The following PCTP variants were observed in gnomAD, a reference collection of about 807,000 sequenced individuals.
PCTP encodes the protein phosphatidylcholine transfer protein.
A neutral mutation model predicts 31.0 loss-of-function variants in PCTP; 27 were observed. The observed-to-expected ratio is 0.87, with a 90% CI of 0.64 to 1.20. The LOEUF (loss-of-function observed/expected upper bound fraction) is 1.20, where lower values mean the gene tolerates loss of function less well. Ranked by LOEUF, PCTP falls within the 50% of genes most tolerant of loss-of-function variation. The probability of loss-of-function intolerance (pLI) is 0.00; values close to 1 mark genes in which losing one functional copy is unlikely to be tolerated. For synonymous variants in PCTP, 108 were observed against 101.2 expected (o/e 1.07, Z -0.40); for missense variants, 287 against 268.2 (o/e 1.07, Z -0.49).
chr17:55,811,084 G>A (rs963697890), intron 3 of PCTP, among the ~76,000 whole-genome samples: 1 of 152,036 alleles, frequency 6.6e-6, no homozygotes, highest in South Asian at 2.1e-4. Flanking sequence ...TTTCTGCATG[G>A]CCTACCTCTA....
chr17:55,773,922 A>T, intron 4 of PCTP, 27 bp downstream of exon 4: 1 of 1,565,544 alleles, frequency 6.4e-7, no homozygotes. Context: ...CTGTCAGTGC[A>T]CCCAGCCAGG....
At chr17:55,811,798 A>G (rs1337177824) in intron 3 of PCTP, among the ~76,000 whole-genome samples, 1 of 152,188 alleles carries the variant, frequency 6.6e-6, no homozygotes, top group Non-Finnish European at 1.5e-5. Flanking sequence ...GGCATCTGCC[A>G]AAAGCTTGCT....
At chr17:55,793,284 CT>C (rs1279899835) in intron 3 of PCTP, among the ~76,000 whole-genome samples, 1 of 152,072 alleles carries the variant, frequency 6.6e-6, no homozygotes, top group Non-Finnish European at 1.5e-5. Flanking sequence ...GTCAGAAACA[CT>C]TGGGGAGGAT....
chr17:55,765,372 T>C (rs1352133476), intron 1 of PCTP, among the ~76,000 whole-genome samples: 1 of 152,174 alleles, frequency 6.6e-6, no homozygotes, highest in Non-Finnish European at 1.5e-5. Flanking sequence ...TCACCTCTTC[T>C]CCAAGTTTTT....
rs187434502 is a variant in PCTP at position 55,820,044 on chromosome 17, T to C, written c.318-2717T>C. 2.4e-3 allele frequency among the ~76,000 whole-genome samples: 364 copies of C among 152,286 alleles called. 1 individual carries two copies. Among genetic ancestry groups the C allele is most frequent in the Non-Finnish European group, 3.1e-3 (214 of 68,020 alleles). ...CAAAATAGATCAAAGACCTTAAATGTAGGAGCTAAAGCTATAAAATTCTTA... is the reference window on the plus strand; with the variant it reads ...CAAAATAGATCAAAGACCTTAAATGCAGGAGCTAAAGCTATAAAATTCTTA... On this transcript the variant is annotated intron_variant, in intron 3 of 3. Transcript: ENST00000572536.
chr17:55,797,011 T>C (rs1319109232), intron 3 of PCTP, among the ~76,000 whole-genome samples: 1 of 151,930 alleles, frequency 6.6e-6, no homozygotes, highest in African/African-American at 2.4e-5. Context: ...AGAAGTCCAA[T>C]GGAACACCAG....
chr17:55,766,820 C>T (rs1319342353), intron 1 of PCTP, among the ~76,000 whole-genome samples: 6 of 151,734 alleles, frequency 4.0e-5, no homozygotes, highest in Non-Finnish European at 5.9e-5. Flanking sequence ...AGTTCTAGAT[C>T]CCTGAGGAAT....
rs371268909 is a variant in PCTP at position 55,773,791 on chromosome 17, G to A, written c.407G>A (p.Arg136Gln). Residue 136 changes from arginine (R) to glutamine (Q), a missense_variant, in exon 4 of 6, where the codon CGG becomes CAG. Coordinates refer to ENST00000268896, the MANE Select transcript of PCTP (RefSeq NM_021213.4). ...EGRKIHVILARSTSMPQLGER... is the reference protein window; with the variant it reads ...EGRKIHVILAQSTSMPQLGER... ...AGGAAGATCCATGTGATCCTGGCCC[G>A]GAGCACCTCCATGCCTCAGCTTGGC... The A allele has an allele frequency of 2.2e-5, 35 of 1,613,762 alleles. No individual in the cohort carries two copies. Among genetic ancestry groups the A allele is most frequent in the African/African-American group, 6.7e-5 (5 of 74,864 alleles).
At chr17:55,834,866 T>G (rs1905726211) in intron 5 of PCTP, among the ~76,000 whole-genome samples, 1 of 152,202 alleles carries the variant, frequency 6.6e-6, no homozygotes, top group Non-Finnish European at 1.5e-5. Context: ...TTGAGTTGTG[T>G]TCCTCAAAAA....
chr17:55,840,499 C>G (rs1197005773), intron 5 of PCTP, among the ~76,000 whole-genome samples: 2 of 152,056 alleles, frequency 1.3e-5, no homozygotes, highest in Admixed American at 6.5e-5. Context: ...AGAAAAATAC[C>G]CTATACAGTA....
chr17:55,788,590 GACTTATTAT>G (rs1419319914), intron 3 of PCTP, among the ~76,000 whole-genome samples: 1 of 152,084 alleles, frequency 6.6e-6, no homozygotes, highest in Non-Finnish European at 1.5e-5. Flanking sequence ...ATTATGTATA[GACTTATTAT>G]ACTTATGATT....
At chr17:55,843,983 G>T (rs1906066833), downstream of PCTP, among the ~76,000 whole-genome samples, 1 of 152,144 alleles carries the variant, frequency 6.6e-6, no homozygotes, top group Non-Finnish European at 1.5e-5. Context: ...ATTTTCCAAG[G>T]TCAGCAGTTT....
chr17:55,779,196 G>C (rs962171717), downstream of PCTP, among the ~76,000 whole-genome samples: 3 of 152,178 alleles, frequency 2.0e-5, no homozygotes, highest in Non-Finnish European at 2.9e-5. Context: ...GATAGGCATG[G>C]CATTTGTGGG....
chr17:55,794,232 C>A (rs886371319), intron 3 of PCTP, among the ~76,000 whole-genome samples: 1 of 151,940 alleles, frequency 6.6e-6, no homozygotes, highest in African/African-American at 2.4e-5. Context: ...CATCATAAAG[C>A]CTATCTATAT....
At chr17:55,775,620 A>T (rs1241376735) in intron 5 of PCTP, 2 of 1,194,046 alleles carry the variant, frequency 1.7e-6, no homozygotes, top group African/African-American at 3.1e-5. Context: ...CCCAGTGCTC[A>T]ACATTAACTA....
At chr17:55,850,421 A>G in the PCTP span, among the ~76,000 whole-genome samples, 2 of 152,218 alleles carry the variant, frequency 1.3e-5, no homozygotes, top group African/African-American at 4.8e-5. Context: ...ATATGATATG[A>G]TATGTACTTT....
chr17:55,796,449 G>A (rs1308263555), intron 3 of PCTP, among the ~76,000 whole-genome samples: 2 of 151,930 alleles, frequency 1.3e-5, no homozygotes, highest in Non-Finnish European at 2.9e-5. Context: ...TTTTGAGAAC[G>A]ATTTTAAAAC....
chr17:55,787,411 T>C (rs1413758637), intron 2 of PCTP, among the ~76,000 whole-genome samples: 1 of 151,950 alleles, frequency 6.6e-6, no homozygotes, highest in Middle Eastern at 3.2e-3. Flanking sequence ...TGGAGTGCGG[T>C]GGCATGAAAT....
intron 1 of PCTP, chr17:55,751,459 C>T (rs1253357121): frequency 6.5e-7 from 1 of 1,532,448 alleles, no homozygotes; most frequent in Non-Finnish European, 8.7e-7. Flanking sequence ...GTTGGAAGGT[C>T]ACAGGAGTTC....
Sources: allele counts gnomAD v4.1 joint callset (sites outside exome capture counted in the v4.1 genomes callset), GRCh38; gene constraint gnomAD v4.1.1; transcripts MANE v1.5; gene names NCBI Gene and HGNC (gene_info 2026-07-23, HGNC 2026-07-21).